C13orf42: variants seen among roughly 807,000 people sequenced by gnomAD.
C13orf42 encodes chromosome 13 open reading frame 42, also known as uncharacterized protein C13orf42.
upstream of C13orf42, among the ~76,000 whole-genome samples, chr13:51,114,645 T>TAGAGAGAG (rs750768864): frequency 4.2e-5 from 5 of 120,456 alleles, no homozygotes; most frequent in African/African-American, 1.5e-4. Flanking sequence ...GATAGATAGA[T>TAGAGAGAG]AGAGATAGAC....
chr13:51,171,752 T>C (rs1953955033), intron 1 of C13orf42, among the ~76,000 whole-genome samples: 1 of 152,150 alleles, frequency 6.6e-6, no homozygotes, highest in African/African-American at 2.4e-5. Context: ...CCTTTTTCTT[T>C]ACCCCAAATC....
At chr13:51,156,615 G>C (rs74085983) in intron 1 of C13orf42, among the ~76,000 whole-genome samples, 1,862 of 152,252 alleles carry the variant, frequency 0.012, 48 homozygotes, top group African/African-American at 0.042. Context: ...TTAAACTATT[G>C]ATTCAGTGAT....
intron 1 of C13orf42, among the ~76,000 whole-genome samples, chr13:51,130,140 G>A (rs959362627): frequency 6.6e-6 from 1 of 152,192 alleles, no homozygotes; most frequent in Admixed American, 6.5e-5. Flanking sequence ...ATGCCTTTTA[G>A]TTCACATGAC....
intron 1 of C13orf42, among the ~76,000 whole-genome samples, chr13:51,119,956 C>T (rs9568527): frequency 0.23 from 34,443 of 146,786 alleles, 4,539 homozygotes; most frequent in Non-Finnish European, 0.3. Context: ...TCAAAGAGAT[C>T]GGAGAATCTG....
upstream of C13orf42, among the ~76,000 whole-genome samples, chr13:51,114,998 T>G (rs1953476062): frequency 6.6e-6 from 1 of 152,182 alleles, no homozygotes; most frequent in Non-Finnish European, 1.5e-5. Context: ...TCATATACCT[T>G]AAATAAATAC....
At chr13:51,161,556 G>C (rs1189951927) in intron 1 of C13orf42, among the ~76,000 whole-genome samples, 1 of 152,106 alleles carries the variant, frequency 6.6e-6, no homozygotes, top group African/African-American at 2.4e-5. Context: ...CCCAGGACCA[G>C]GTGTCAGACA....
At chr13:51,090,402 C>A (rs938630562) in intron 1 of C13orf42, among the ~76,000 whole-genome samples, 1 of 152,032 alleles carries the variant, frequency 6.6e-6, no homozygotes, top group Non-Finnish European at 1.5e-5. Context: ...GAGAGAGAAA[C>A]AAAGAATGGA....
intron 1 of C13orf42, among the ~76,000 whole-genome samples, chr13:51,117,547 A>T (rs1359804379): frequency 1.3e-5 from 2 of 152,188 alleles, no homozygotes; most frequent in African/African-American, 4.8e-5. Flanking sequence ...ATCAACAGAA[A>T]AATTGAGTGT....
chr13:51,110,514 C>A (rs962614331), intron 1 of C13orf42, among the ~76,000 whole-genome samples: 2 of 152,154 alleles, frequency 1.3e-5, no homozygotes, highest in Non-Finnish European at 2.9e-5. Flanking sequence ...AATCTGTACA[C>A]CAAACCCTTG....
rs564669541 is a variant in C13orf42, at chr13:51,086,234, C to G, written c.563-675G>C. Among the ~76,000 whole-genome samples the G allele has an allele frequency of 3.2e-4, 47 of 146,650 alleles. 2 individuals carry two copies. The South Asian group carries it at 9.2e-3, about 29-fold the overall frequency. Reference sequence around the variant, plus strand: ...AGGCAGGAGAATGGCGTGAACCTGGCAGGCAGAGCTTGCAGTGAGCTGAGA... The same window carrying G: ...AGGCAGGAGAATGGCGTGAACCTGGGAGGCAGAGCTTGCAGTGAGCTGAGA... On this transcript the variant is annotated intron_variant, in intron 2 of 3. Transcript: ENST00000563710.
chr13:51,155,336 T>C (rs1423002938), intron 1 of C13orf42, among the ~76,000 whole-genome samples: 1 of 152,236 alleles, frequency 6.6e-6, no homozygotes, highest in African/African-American at 2.4e-5. Context: ...AGTAAGTCCA[T>C]GGGGAAAGGG....
intron 1 of C13orf42, among the ~76,000 whole-genome samples, chr13:51,143,258 T>C (rs1953709319): frequency 2.0e-5 from 3 of 152,128 alleles, no homozygotes; most frequent in Admixed American, 6.6e-5. Context: ...ATGAAAGCTA[T>C]TCAACTCCTC....
At chr13:51,120,713 T>G (rs528106601) in intron 1 of C13orf42, among the ~76,000 whole-genome samples, 2 of 152,256 alleles carry the variant, frequency 1.3e-5, no homozygotes, top group South Asian at 4.2e-4. Context: ...CTTTGGTTTC[T>G]TCTTCAGTAA....
chr13:51,144,507 C>T (rs1415597490), intron 1 of C13orf42, among the ~76,000 whole-genome samples: 1 of 152,216 alleles, frequency 6.6e-6, no homozygotes, highest in Non-Finnish European at 1.5e-5. Flanking sequence ...CAATAAGAAT[C>T]TGTTTTCATT....
intron 1 of C13orf42, among the ~76,000 whole-genome samples, chr13:51,122,285 G>A (rs1369095346): frequency 6.6e-6 from 1 of 151,972 alleles, no homozygotes; most frequent in Non-Finnish European, 1.5e-5. Flanking sequence ...TGTAATCCCA[G>A]CACTTTGGGA....
intron 1 of C13orf42, among the ~76,000 whole-genome samples, chr13:51,108,207 CTAAT>C (rs1320250962): frequency 6.6e-6 from 1 of 152,212 alleles, no homozygotes; most frequent in Middle Eastern, 3.2e-3. Flanking sequence ...CTCATCGTAA[CTAAT>C]TACATCTGCA....
intron 1 of C13orf42, among the ~76,000 whole-genome samples, chr13:51,145,315 G>A (rs1190667273): frequency 6.7e-6 from 1 of 150,178 alleles, no homozygotes; most frequent in Non-Finnish European, 1.5e-5. Context: ...AGAGTAATGT[G>A]GTCTATATCG....
At chr13:51,112,714 A>G (rs1953446887), upstream of C13orf42, among the ~76,000 whole-genome samples, 1 of 152,194 alleles carries the variant, frequency 6.6e-6, no homozygotes, top group Non-Finnish European at 1.5e-5. Context: ...TTTAGTGGTC[A>G]TCAATTCACA....
At chr13:51,166,661 T>C (rs1032163623) in intron 1 of C13orf42, among the ~76,000 whole-genome samples, 18 of 152,098 alleles carry the variant, frequency 1.2e-4, no homozygotes, top group Non-Finnish European at 2.2e-4. Context: ...CGGTACATTT[T>C]TGACTTTGAA....
Sources: allele counts gnomAD v4.1 joint callset (sites outside exome capture counted in the v4.1 genomes callset), GRCh38; gene constraint gnomAD v4.1.1; transcripts MANE v1.5; gene names NCBI Gene and HGNC (gene_info 2026-07-23, HGNC 2026-07-21).